Variants in GRAMD1B observed in about 807,000 individuals in gnomAD.
GRAMD1B encodes protein Aster-B.
GRAMD1B carries 37 observed loss-of-function variants against 99.7 expected under a neutral mutation model. That is an observed-to-expected ratio of 0.37 (90% CI 0.29 to 0.49). GRAMD1B has a LOEUF of 0.49. Ranked by LOEUF, GRAMD1B falls within the 20% of genes least tolerant of loss-of-function variation. The pLI, the probability that GRAMD1B is intolerant of heterozygous loss-of-function variation, is 0.98. For synonymous variants in GRAMD1B, 427 were observed against 387.6 expected (o/e 1.10, Z -1.19); for missense variants, 888 against 1,009.2 (o/e 0.88, Z 1.63).
intron 2 of GRAMD1B, among the ~76,000 whole-genome samples, chr11:123,495,148 T>TAC (rs978722249): frequency 8.2e-5 from 11 of 134,312 alleles, no homozygotes; most frequent in Middle Eastern, 8.4e-3. Context: ...CAGACACACA[T>TAC]ACACACACAC....
At chr11:123,617,238 C>CAGT (rs1954549366) in intron 17 of GRAMD1B, among the ~76,000 whole-genome samples, 1 of 147,650 alleles carries the variant, frequency 6.8e-6, no homozygotes, top group Admixed American at 6.9e-5. Flanking sequence ...GGCTGGAATG[C>CAGT]AGTAGCATGA....
intron 1 of GRAMD1B, among the ~76,000 whole-genome samples, chr11:123,405,934 ACTTGTTTG>A (rs1947839349): frequency 1.3e-5 from 2 of 151,886 alleles, no homozygotes; most frequent in East Asian, 3.9e-4. Context: ...TTGTGTGCAC[ACTTGTTTG>A]CATGTGCATG....
rs879794282 is a variant in GRAMD1B, at chr11:123,481,229, C to T, written c.452+336C>T. Among the ~76,000 whole-genome samples the T allele has an allele frequency of 3.9e-5, 6 of 152,058 alleles. No individual in the cohort carries two copies. The East Asian group carries it at 1.2e-3, about 29-fold the overall frequency. On this transcript the variant is annotated intron_variant, in intron 2 of 19. Coordinates refer to ENST00000635736, the MANE Select transcript of GRAMD1B (RefSeq NM_001387025.1). Reference sequence around the variant, plus strand: ...CATTACTTTGGGAGGTCGAGGCGGGCGGATCACTTGAGATCTGGAGTTCGA... The same window carrying T: ...CATTACTTTGGGAGGTCGAGGCGGGTGGATCACTTGAGATCTGGAGTTCGA...
chr11:123,517,568 G>C (rs868279940), intron 2 of GRAMD1B, among the ~76,000 whole-genome samples: 7 of 152,140 alleles, frequency 4.6e-5, no homozygotes, highest in Middle Eastern at 3.2e-3. Context: ...AGTTGCTCAA[G>C]GTCACATAGC....
chr11:123,470,173 C>G (rs904270287), intron 1 of GRAMD1B, among the ~76,000 whole-genome samples: 3 of 152,154 alleles, frequency 2.0e-5, no homozygotes, highest in Non-Finnish European at 2.9e-5. Flanking sequence ...GACTCCTGCC[C>G]ACATGCAAGA....
intron 1 of GRAMD1B, among the ~76,000 whole-genome samples, chr11:123,391,035 C>T (rs1010216644): frequency 1.3e-5 from 2 of 152,236 alleles, no homozygotes; most frequent in African/African-American, 4.8e-5. Flanking sequence ...AAGCACATGG[C>T]CTGTGCCACT....
intron 1 of GRAMD1B, among the ~76,000 whole-genome samples, chr11:123,452,918 C>T (rs1001368775): frequency 6.6e-6 from 1 of 152,124 alleles, no homozygotes; most frequent in Non-Finnish European, 1.5e-5. Flanking sequence ...AGTGAAAGTT[C>T]GGTCTTGTGT....
chr11:123,439,415 C>T (rs1949307331), intron 1 of GRAMD1B, among the ~76,000 whole-genome samples: 1 of 152,150 alleles, frequency 6.6e-6, no homozygotes, highest in South Asian at 2.1e-4. Flanking sequence ...GTTATCAGAC[C>T]ACATGTCTGG....
intron 16 of GRAMD1B, 50 bp from the exon 17 acceptor site, chr11:123,614,695 G>T: frequency 8.9e-7 from 1 of 1,120,242 alleles, no homozygotes. Flanking sequence ...ACCAGCAGTT[G>T]TTGGACTTGT....
chr11:123,604,405 G>A (rs186974351), intron 9 of GRAMD1B, among the ~76,000 whole-genome samples: 84 of 152,324 alleles, frequency 5.5e-4, no homozygotes, highest in African/African-American at 1.9e-3. Flanking sequence ...GGCAGCCACG[G>A]GAAGGAAGTG....
intron 1 of GRAMD1B, 121 bp downstream of exon 1, chr11:123,431,287 G>A: frequency 1.7e-6 from 1 of 593,896 alleles, no homozygotes; most frequent in South Asian, 2.0e-5. Flanking sequence ...CACCAGAGGC[G>A]CTTCTGGAGG....
chr11:123,607,647 G>A (rs867779484), intron 11 of GRAMD1B, among the ~76,000 whole-genome samples: 10 of 151,894 alleles, frequency 6.6e-5, no homozygotes, highest in Middle Eastern at 3.2e-3. Context: ...TACCCGCTGC[G>A]CTGCACTTGT....
At chr11:123,563,093 G>A (rs914299375) in intron 2 of GRAMD1B, among the ~76,000 whole-genome samples, 18 of 152,336 alleles carry the variant, frequency 1.2e-4, no homozygotes, top group African/African-American at 3.8e-4. Flanking sequence ...CCATCGCCAT[G>A]TTAATGTGAG....
At chr11:123,452,304 T>C (rs891755349) in intron 1 of GRAMD1B, among the ~76,000 whole-genome samples, 3 of 152,234 alleles carry the variant, frequency 2.0e-5, no homozygotes, top group Admixed American at 6.5e-5. Context: ...TTACATTTGG[T>C]AATCCTGGCA....
chr11:123,413,807 T>C (rs1330136781), intron 1 of GRAMD1B, among the ~76,000 whole-genome samples: 3 of 152,102 alleles, frequency 2.0e-5, no homozygotes, highest in Non-Finnish European at 4.4e-5. Context: ...GACTCATGCT[T>C]TTCAATTGCA....
At chr11:123,377,530 C>G (rs767003061) in intron 1 of GRAMD1B, among the ~76,000 whole-genome samples, 1 of 152,126 alleles carries the variant, frequency 6.6e-6, no homozygotes, top group South Asian at 2.1e-4. Flanking sequence ...AGGAAGCCAG[C>G]GCCAGGCCTG....
chr11:123,590,628 T>C (rs1443050251), intron 4 of GRAMD1B, among the ~76,000 whole-genome samples: 8 of 152,118 alleles, frequency 5.3e-5, no homozygotes, highest in Admixed American at 5.2e-4. Flanking sequence ...CGGGTGACTC[T>C]AACAAAGAAG....
chr11:123,387,729 G>A (rs190824685), intron 1 of GRAMD1B, among the ~76,000 whole-genome samples: 8,122 of 33,240 alleles, frequency 0.24, 623 homozygotes, highest in African/African-American at 0.42. Context: ...GCCCCCACCC[G>A]CCCCGCCCCA....
intron 1 of GRAMD1B, among the ~76,000 whole-genome samples, chr11:123,451,005 T>C (rs1949864092): frequency 6.6e-6 from 1 of 152,002 alleles, no homozygotes; most frequent in Non-Finnish European, 1.5e-5. Flanking sequence ...TAAACTGGGC[T>C]CCAAGAAGGA....
Sources: allele counts gnomAD v4.1 joint callset (sites outside exome capture counted in the v4.1 genomes callset), GRCh38; gene constraint gnomAD v4.1.1; transcripts MANE v1.5; gene names NCBI Gene and HGNC (gene_info 2026-07-23, HGNC 2026-07-21).